Variants in TSPEAR observed in about 807,000 individuals in gnomAD.
The protein encoded by TSPEAR is thrombospondin type laminin G domain and EAR repeats.
In TSPEAR, 69 loss-of-function variants were observed where a neutral mutation model predicts 71.6. That is an observed-to-expected ratio of 0.96 (90% confidence interval 0.79 to 1.18). TSPEAR has a LOEUF of 1.18. Ranked by LOEUF, TSPEAR falls within the 50% of genes most tolerant of loss-of-function variation. The pLI, the probability that TSPEAR is intolerant of heterozygous loss-of-function variation, is 0.00. For synonymous variants in TSPEAR, 402 were observed against 387.2 expected (o/e 1.04, Z -0.45); for missense variants, 971 against 894.9 (o/e 1.09, Z -1.09).
At position 44,646,969 on chromosome 21, in the gene TSPEAR, C is replaced by A. The variant is rs200485359; in HGVS notation, c.82+64464G>T. ...TGAGGATTCCTCTTCATGCTGCCAGCAGTCTAGCTGCCAGCCAGCTTGCTG... is the reference window on the plus strand; with the variant it reads ...TGAGGATTCCTCTTCATGCTGCCAGAAGTCTAGCTGCCAGCCAGCTTGCTG... On this transcript the variant is annotated intron_variant, in intron 1 of 11. Coordinates refer to ENST00000323084, the MANE Select transcript of TSPEAR (RefSeq NM_144991.3). 228 of 1,613,768 alleles carry A rather than the reference C, an allele frequency of 1.4e-4. No homozygotes were observed. In the African/African-American group the frequency reaches 2.9e-3, roughly 20 times the overall value.
chr21:44,682,987 C>A lies in TSPEAR; in HGVS notation c.82+28446G>T, dbSNP rs560735574. Among the ~76,000 whole-genome samples, 66 of 152,246 alleles carry A rather than the reference C, an allele frequency of 4.3e-4. No homozygotes were observed. The South Asian group carries it at 0.013, about 30-fold the overall frequency. ...CCAGGGCAAGGCAACCACAGGCTCA[C>A]CAGAGAGAAGCTGCTAGAGGATTGA... is the stretch of plus-strand genomic sequence containing the variant. On this transcript the variant is annotated intron_variant, in intron 1 of 11. Transcript: ENST00000323084.
chr21:44,585,623 C>T (rs1233928178), intron 1 of TSPEAR, among the ~76,000 whole-genome samples: 3 of 152,152 alleles, frequency 2.0e-5, no homozygotes, highest in Non-Finnish European at 4.4e-5. Context: ...GTCATGGTGT[C>T]AGCTCTTCTG....
At chr21:44,613,759 G>A (rs1449729355) in intron 1 of TSPEAR, among the ~76,000 whole-genome samples, 1 of 152,188 alleles carries the variant, frequency 6.6e-6, no homozygotes, top group Admixed American at 6.5e-5. Context: ...GGTGGGTGGA[G>A]GGATGGGATG....
intron 1 of TSPEAR, among the ~76,000 whole-genome samples, chr21:44,690,231 ATG>A (rs1483304299): frequency 3.3e-5 from 5 of 152,258 alleles, no homozygotes; most frequent in African/African-American, 1.2e-4. Context: ...GTAATCCCTG[ATG>A]TGTGGGAGTC....
chr21:44,547,101 G>C (rs781833777), intron 2 of TSPEAR, among the ~76,000 whole-genome samples: 2 of 152,192 alleles, frequency 1.3e-5, no homozygotes, highest in African/African-American at 2.4e-5. Flanking sequence ...CCTCAGACTA[G>C]AGTATATTAA....
chr21:44,701,515 G>A lies in TSPEAR; in HGVS notation c.82+9918C>T, dbSNP rs115718944. Among the ~76,000 whole-genome samples the A allele has an allele frequency of 2.7e-3, 416 of 152,310 alleles. 3 individuals are homozygous for A. The highest frequency in any genetic ancestry group is 9.3e-3 in the African/African-American group (388 of 41,558). The stretch of plus-strand genomic sequence containing the variant: ...AAATAATCATACAACTCACCATCAT[G>A]TCAAATCAGTGGGAGCCCTGAGCTT... On this transcript the variant is annotated intron_variant, in intron 1 of 11. Transcript: ENST00000323084.
chr21:44,508,738 T>G, intron 10 of TSPEAR: 1 of 1,257,082 alleles, frequency 8.0e-7, no homozygotes, highest in Non-Finnish European at 1.0e-6. Flanking sequence ...CCAGTCTCCG[T>G]GTCCTGGTGT....
chr21:44,602,589 G>A (rs1415430017), intron 1 of TSPEAR, among the ~76,000 whole-genome samples: 1 of 152,234 alleles, frequency 6.6e-6, no homozygotes, highest in Non-Finnish European at 1.5e-5. Flanking sequence ...GCCTCACTGG[G>A]CCTGAGCTGT....
intron 1 of TSPEAR, among the ~76,000 whole-genome samples, chr21:44,693,178 C>A (rs1175471899): frequency 6.6e-6 from 1 of 151,960 alleles, no homozygotes; most frequent in Non-Finnish European, 1.5e-5. Flanking sequence ...GAAGTTGGGC[C>A]CTTACCTAAT....
chr21:44,518,368 T>C, intron 9 of TSPEAR: 1 of 444,020 alleles, frequency 2.3e-6, no homozygotes, highest in Non-Finnish European at 4.6e-6. Flanking sequence ...TTGAGCACCT[T>C]GGTGCAGTGT....
chr21:44,687,406 G>A lies in TSPEAR; in HGVS notation c.82+24027C>T, dbSNP rs371674267. Among the ~76,000 whole-genome samples, 43 of 152,316 alleles carry A rather than the reference G, an allele frequency of 2.8e-4. 1 individual carries two copies. The South Asian group carries it at 7.9e-3, about 28-fold the overall frequency. The stretch of plus-strand genomic sequence containing the variant: ...CCATGTGCCCATTAGCTGGTGGATG[G>A]ATAAACACAGCGTGACAGAGCGGTA... On this transcript the variant is annotated intron_variant, in intron 1 of 11. Coordinates refer to ENST00000323084, the MANE Select transcript of TSPEAR (RefSeq NM_144991.3). This position sits in a 1 kb window ranked among gnomAD's most constrained non-coding sequence, Gnocchi z 4.4.
intron 1 of TSPEAR, among the ~76,000 whole-genome samples, chr21:44,637,014 T>C (rs1301181908): frequency 3.9e-5 from 6 of 151,970 alleles, no homozygotes; most frequent in African/African-American, 1.4e-4. Flanking sequence ...CCCCGTGAGG[T>C]CCCTGCAGAC....
chr21:44,613,835 T>C (rs942668408), intron 1 of TSPEAR, among the ~76,000 whole-genome samples: 2 of 152,000 alleles, frequency 1.3e-5, no homozygotes, highest in African/African-American at 2.4e-5. Flanking sequence ...GAAATGTGTG[T>C]CCTTCACGTC....
intron 2 of TSPEAR, chr21:44,557,640 AC>A: frequency 8.7e-6 from 2 of 229,230 alleles, no homozygotes; most frequent in Non-Finnish European, 1.7e-5. Context: ...ACAACAGCAG[AC>A]CCCGCACAGC....
At chr21:44,616,406 A>T (rs1015421980) in intron 1 of TSPEAR, among the ~76,000 whole-genome samples, 4 of 152,160 alleles carry the variant, frequency 2.6e-5, no homozygotes, top group Non-Finnish European at 5.9e-5. Context: ...CCACAGACAC[A>T]AGGCTGGGGC....
intron 1 of TSPEAR, among the ~76,000 whole-genome samples, chr21:44,647,845 C>T (rs1555940569): frequency 6.6e-6 from 1 of 152,222 alleles, no homozygotes; most frequent in African/African-American, 2.4e-5. Flanking sequence ...AAGCCCTGCC[C>T]ACAGGGGATG....
chr21:44,574,331 T>A, intron 1 of TSPEAR: 1 of 1,603,480 alleles, frequency 6.2e-7, no homozygotes, highest in Non-Finnish European at 8.5e-7. Flanking sequence ...AGGCGGTCTG[T>A]GAGCCCAGCC....
intron 1 of TSPEAR, among the ~76,000 whole-genome samples, chr21:44,670,950 C>T (rs1230051529): frequency 6.6e-6 from 1 of 152,232 alleles, no homozygotes; most frequent in African/African-American, 2.4e-5. Flanking sequence ...ACCCTGAGTA[C>T]AGGCTTTCCC....
intron 1 of TSPEAR, among the ~76,000 whole-genome samples, chr21:44,605,484 C>G (rs34994561): frequency 6.6e-6 from 1 of 152,170 alleles, no homozygotes; most frequent in Admixed American, 6.5e-5. Flanking sequence ...ATAAAAGACT[C>G]TGAATAGCCA....
Sources: allele counts gnomAD v4.1 joint callset (sites outside exome capture counted in the v4.1 genomes callset), GRCh38; gene constraint gnomAD v4.1.1; non-coding constraint Gnocchi (gnomAD v3.1); transcripts MANE v1.5; gene names NCBI Gene and HGNC (gene_info 2026-07-23, HGNC 2026-07-21).